MCC: variants seen among roughly 807,000 people sequenced by gnomAD.
The protein encoded by MCC is MCC regulator of Wnt signaling pathway, also known as colorectal mutant cancer protein.
MCC carries 90 observed loss-of-function variants against 116.2 expected under a neutral mutation model. The observed-to-expected ratio is 0.77, with a 90% confidence interval of 0.65 to 0.92. MCC has a LOEUF of 0.92. Among genes scored for constraint, MCC ranks in the 40% least tolerant of loss-of-function variants. The pLI, the probability that MCC is intolerant of heterozygous loss-of-function variation, is 0.00. For synonymous variants in MCC, 578 were observed against 510.5 expected, an observed-to-expected ratio of 1.13 and a Z score of -1.78; for missense variants, 1,516 against 1,312.2, an observed-to-expected ratio of 1.16 and a Z score of -2.40.
At chr5:113,463,177 A>G (rs1771793448) in intron 1 of MCC, among the ~76,000 whole-genome samples, 2 of 152,310 alleles carry the variant, frequency 1.3e-5, no homozygotes, top group Admixed American at 6.5e-5. Context: ...TGATGTACAG[A>G]GAGCCTAGAG....
intron 18 of MCC, among the ~76,000 whole-genome samples, chr5:113,027,707 G>C (rs1025096659): frequency 2.6e-5 from 4 of 151,738 alleles, no homozygotes; most frequent in African/African-American, 9.7e-5. Context: ...AATCCAGCCG[G>C]ATTGCTAGAG....
At position 113,434,446 on chromosome 5, in the gene MCC, C is replaced by T. The variant is rs556130601; in HGVS notation, c.171-49234G>A. ...TCACACTTGAGGTCCCGGTGGACGA[C>T]GTCCAGGTCGTGGCAGTACTTGATG... is the stretch of plus-strand genomic sequence containing the variant. On this transcript the variant is annotated intron_variant, in intron 1 of 18. Coordinates refer to ENST00000408903, the MANE Select transcript of MCC (RefSeq NM_001085377.2). The surrounding 1 kb of genome is among the most constrained non-coding windows in gnomAD (Gnocchi z 4.2). 5.6e-6 allele frequency: 9 copies of T among 1,613,788 alleles called. No homozygotes were observed. Among genetic ancestry groups the T allele is most frequent in the Admixed American group, 5.0e-5 (3 of 60,000 alleles).
intron 5 of MCC, among the ~76,000 whole-genome samples, chr5:113,125,920 T>A (rs1287405830): frequency 6.6e-6 from 1 of 152,176 alleles, no homozygotes; most frequent in Non-Finnish European, 1.5e-5. Context: ...TTGCTGGTGA[T>A]GAAGAAGAGG....
chr5:113,329,594 C>T (rs1012690056), intron 3 of MCC, among the ~76,000 whole-genome samples: 3 of 152,134 alleles, frequency 2.0e-5, no homozygotes, highest in African/African-American at 7.2e-5. Flanking sequence ...AAACTAGTTT[C>T]AGAGGATTAT....
At chr5:113,138,437 C>G (rs559634755) in intron 5 of MCC, among the ~76,000 whole-genome samples, 2 of 152,146 alleles carry the variant, frequency 1.3e-5, no homozygotes, top group African/African-American at 4.8e-5. Context: ...GACTGGTGCC[C>G]TCATATGAAG....
chr5:113,226,108 G>A (rs1287753506), intron 3 of MCC, among the ~76,000 whole-genome samples: 3 of 152,254 alleles, frequency 2.0e-5, no homozygotes, highest in Admixed American at 1.3e-4. Context: ...CCCGCAAGGC[G>A]AAGGTTGCAG....
intron 3 of MCC, among the ~76,000 whole-genome samples, chr5:113,192,406 G>A (rs1455837294): frequency 6.6e-6 from 1 of 152,174 alleles, no homozygotes; most frequent in Non-Finnish European, 1.5e-5. Context: ...TTCTCAACAT[G>A]GGATTACATA....
intron 1 of MCC, among the ~76,000 whole-genome samples, chr5:113,453,973 G>A (rs1407110173): frequency 1.3e-5 from 2 of 152,124 alleles, no homozygotes; most frequent in Non-Finnish European, 2.9e-5. Context: ...AGCCGGGTGT[G>A]ATGGCACATG....
chr5:113,198,183 T>C (rs1165387691), intron 3 of MCC, among the ~76,000 whole-genome samples: 1 of 152,236 alleles, frequency 6.6e-6, no homozygotes. Context: ...AGCTTGTTCA[T>C]GTCTTTGGTG....
chr5:113,334,544 T>C (rs970304002), intron 3 of MCC, among the ~76,000 whole-genome samples: 1 of 149,786 alleles, frequency 6.7e-6, no homozygotes, highest in Non-Finnish European at 1.5e-5. Flanking sequence ...TTTTAAAAAA[T>C]CAGTCTCAAT....
At chr5:113,332,338 C>T (rs937277600) in intron 3 of MCC, among the ~76,000 whole-genome samples, 2 of 151,470 alleles carry the variant, frequency 1.3e-5, no homozygotes, top group African/African-American at 4.9e-5. Context: ...GCCACCATCC[C>T]TGGCTATAAA....
At chr5:113,443,925 C>T (rs1470107249) in intron 1 of MCC, among the ~76,000 whole-genome samples, 2 of 151,984 alleles carry the variant, frequency 1.3e-5, no homozygotes, top group African/African-American at 4.8e-5. Context: ...CTGGTTCAAG[C>T]AATTCTCAAG....
chr5:113,302,049 C>T (rs1360604012), intron 3 of MCC, among the ~76,000 whole-genome samples: 2 of 152,186 alleles, frequency 1.3e-5, no homozygotes, highest in Non-Finnish European at 2.9e-5. Flanking sequence ...CTCCCTCATA[C>T]AAGTATCGCT....
rs546256184 is a variant in MCC, at chr5:113,426,954, C to A, written c.171-41742G>T. Reference sequence around the variant, plus strand: ...CTCCACAAACAAAATCCACAAAACTCATCCTCAAAATAGCCTTTGAGGACT... The same window carrying A: ...CTCCACAAACAAAATCCACAAAACTAATCCTCAAAATAGCCTTTGAGGACT... On this transcript the variant is annotated intron_variant, in intron 1 of 18. Transcript: ENST00000408903. Among the ~76,000 whole-genome samples, 34 of 152,294 alleles carry A rather than the reference C, an allele frequency of 2.2e-4. No homozygotes were observed. The South Asian group carries it at 6.0e-3, about 27-fold the overall frequency.
At chr5:113,043,064 G>C (rs1360030802) in intron 17 of MCC, among the ~76,000 whole-genome samples, 1 of 152,188 alleles carries the variant, frequency 6.6e-6, no homozygotes, top group Admixed American at 6.5e-5. Context: ...CTTGCAGGAG[G>C]AGATAAAGAA....
chr5:113,261,537 A>G (rs1765218649), intron 3 of MCC, among the ~76,000 whole-genome samples: 1 of 152,234 alleles, frequency 6.6e-6, no homozygotes, highest in Admixed American at 6.5e-5. Flanking sequence ...CCCAGAGGGC[A>G]GGTATTTATG....
At chr5:113,361,822 GCACATCA>G (rs1329686159) in intron 2 of MCC, among the ~76,000 whole-genome samples, 1 of 152,188 alleles carries the variant, frequency 6.6e-6, no homozygotes, top group African/African-American at 2.4e-5. Context: ...CCCTGCCCTT[GCACATCA>G]AAATTCTGGG....
intron 1 of MCC, among the ~76,000 whole-genome samples, chr5:113,471,519 C>T (rs894309463): frequency 6.6e-6 from 1 of 152,028 alleles, no homozygotes; most frequent in Non-Finnish European, 1.5e-5. Flanking sequence ...GCTGCCTGAT[C>T]GTTCCTCTGG....
At chr5:113,292,377 G>C (rs921217173) in intron 3 of MCC, among the ~76,000 whole-genome samples, 1 of 152,172 alleles carries the variant, frequency 6.6e-6, no homozygotes, top group African/African-American at 2.4e-5. Flanking sequence ...AGCAAAAAAT[G>C]AATGAGCAGA....
Sources: gnomAD v4.1 joint callset for allele counts (sites outside exome capture counted in the v4.1 genomes callset) on GRCh38, gnomAD v4.1.1 for gene constraint, Gnocchi (gnomAD v3.1) non-coding constraint, MANE v1.5 for transcripts, NCBI Gene and HGNC (gene_info 2026-07-23, HGNC 2026-07-21) for gene names.